Variants in MROH9 observed in about 807,000 individuals in gnomAD.
MROH9 encodes the protein maestro heat-like repeat-containing protein family member 9.
A neutral mutation model predicts 98.2 loss-of-function variants in MROH9; 92 were observed. The ratio of observed to expected loss-of-function variants is 0.94; its 90% CI spans 0.79 to 1.11. The LOEUF (loss-of-function observed/expected upper bound fraction) is 1.11, where lower values mean the gene tolerates loss of function less well. MROH9 is among the 50% of genes most tolerant of loss of function. The pLI is 0.00. For missense variants in MROH9, 1,057 were observed against 1,014.8 expected (o/e 1.04, Z -0.57); for synonymous variants, 397 against 368.9 (o/e 1.08, Z -0.87).
At chr1:170,972,517 T>C (rs1340160047) in intron 8 of MROH9, among the ~76,000 whole-genome samples, 1 of 152,086 alleles carries the variant, frequency 6.6e-6, no homozygotes, top group Non-Finnish European at 1.5e-5. Context: ...CTTAAAAATA[T>C]ACATAGTTTT....
intron 7 of MROH9, among the ~76,000 whole-genome samples, chr1:170,969,985 TG>T (rs1403578226): frequency 6.6e-6 from 1 of 152,072 alleles, no homozygotes; most frequent in Non-Finnish European, 1.5e-5. Flanking sequence ...CAGCCTACCT[TG>T]GGTCATGTCC....
chr1:170,982,394 C>A (rs948208639), intron 8 of MROH9, among the ~76,000 whole-genome samples: 1 of 152,108 alleles, frequency 6.6e-6, no homozygotes, highest in African/African-American at 2.4e-5. Context: ...TTAGAAAGTA[C>A]CAACTTGACA....
chr1:171,043,555 T>C (rs979628106), intron 20 of MROH9, among the ~76,000 whole-genome samples: 5 of 152,110 alleles, frequency 3.3e-5, no homozygotes, highest in Non-Finnish European at 5.9e-5. Context: ...GTATTTAATC[T>C]GTAGATTGCT....
At chr1:171,052,169 G>C (rs1422230253) in intron 20 of MROH9, among the ~76,000 whole-genome samples, 1 of 152,110 alleles carries the variant, frequency 6.6e-6, no homozygotes, top group Non-Finnish European at 1.5e-5. Context: ...TTCATAGTTT[G>C]TGTGCATAGA....
intron 20 of MROH9, among the ~76,000 whole-genome samples, chr1:171,060,271 C>G (rs1212577372): frequency 6.6e-6 from 1 of 152,006 alleles, no homozygotes; most frequent in Non-Finnish European, 1.5e-5. Flanking sequence ...GGGAAACATA[C>G]AGAAAATTTT....
rs548125421 is a variant in MROH9, at chr1:170,973,536, C to T, written c.616+1653C>T. Among the ~76,000 whole-genome samples the T allele has an allele frequency of 7.2e-5, 11 of 152,144 alleles. No homozygotes were observed. In the Middle Eastern group the frequency reaches 0.01, roughly 141 times the overall value. On this transcript the variant is annotated intron_variant, in intron 8 of 21. Coordinates refer to ENST00000367759, the MANE Select transcript of MROH9 (RefSeq NM_001163629.2). ...CCCCTAGAAATAAAAAAAAAAGTTC[C>T]TGCACTCAACAAGTTAAAATTAACA...
At chr1:171,007,123 C>T (rs2101825370) in intron 15 of MROH9, among the ~76,000 whole-genome samples, 1 of 152,322 alleles carries the variant, frequency 6.6e-6, no homozygotes, top group South Asian at 2.1e-4. Flanking sequence ...GGCAGGTAAA[C>T]ACCTTTTCCT....
At chr1:171,010,186 C>A (rs1652101484) in intron 15 of MROH9, among the ~76,000 whole-genome samples, 1 of 152,100 alleles carries the variant, frequency 6.6e-6, no homozygotes. Flanking sequence ...CTTATGAGAA[C>A]ATGTGGTGTT....
chr1:170,965,356 G>A, intron 7 of MROH9, 101 bp downstream of exon 7: 2 of 751,030 alleles, frequency 2.7e-6, no homozygotes, highest in East Asian at 2.6e-5. Flanking sequence ...ACAGGTCCTT[G>A]GTATTATTGT....
intron 7 of MROH9, among the ~76,000 whole-genome samples, chr1:170,969,644 G>A (rs1349547035): frequency 6.6e-6 from 1 of 152,082 alleles, no homozygotes; most frequent in Non-Finnish European, 1.5e-5. Flanking sequence ...GTTGCTTCTG[G>A]AACCTAGCAC....
chr1:170,971,466 G>C (rs1335868223), intron 7 of MROH9, among the ~76,000 whole-genome samples: 3 of 152,168 alleles, frequency 2.0e-5, no homozygotes, highest in Non-Finnish European at 2.9e-5. Flanking sequence ...CATTAGTTGA[G>C]TCACCATTAT....
Position 171,064,311 on chromosome 1 carries a change from AAAGAT to A in MROH9, c.2558_2562del (p.Lys853SerfsTer4). The A allele has an allele frequency of 6.5e-7, 1 of 1,543,202 alleles. No homozygotes were observed. On this transcript the variant is annotated frameshift_variant, in exon 22 of 22. Coordinates refer to ENST00000367759, the MANE Select transcript of MROH9 (RefSeq NM_001163629.2). LOFTEE classifies it low-confidence loss of function (END_TRUNC). ...CCAGATAGACAGTCCTACAGACAGT[AAAGAT>A]GTCAAGAATGATAAGGCCTTATAGA...
chr1:170,997,320 G>C (rs1286729591), intron 14 of MROH9, among the ~76,000 whole-genome samples: 3 of 152,092 alleles, frequency 2.0e-5, no homozygotes, highest in African/African-American at 7.2e-5. Flanking sequence ...TTAAAGTGTA[G>C]TACATCTGCA....
intron 21 of MROH9, among the ~76,000 whole-genome samples, chr1:171,063,353 A>G (rs950542133): frequency 4.1e-5 from 6 of 145,190 alleles, no homozygotes; most frequent in Non-Finnish European, 8.9e-5. Context: ...CCTGGGTTCC[A>G]GTGATTCTCC....
intron 20 of MROH9, among the ~76,000 whole-genome samples, chr1:171,050,591 T>C (rs1653631681): frequency 6.7e-6 from 1 of 148,966 alleles, no homozygotes; most frequent in South Asian, 2.1e-4. Context: ...GTTTTCTGCA[T>C]GTAACATCAT....
At chr1:171,035,211 G>T (rs1197688607) in intron 20 of MROH9, among the ~76,000 whole-genome samples, 3 of 151,472 alleles carry the variant, frequency 2.0e-5, no homozygotes, top group African/African-American at 7.3e-5. Flanking sequence ...TATTAATTTT[G>T]ATATATTAAT....
intron 12 of MROH9, among the ~76,000 whole-genome samples, 194 bp from the exon 13 acceptor site, chr1:170,995,195 G>A (rs1651514323): frequency 6.6e-6 from 1 of 152,098 alleles, no homozygotes; most frequent in African/African-American, 2.4e-5. Flanking sequence ...ACCGTAGTAG[G>A]CTTGACACAG....
chr1:171,024,342 T>C (rs1343498993), intron 17 of MROH9, 53 bp from the exon 18 acceptor site: 10 of 1,338,064 alleles, frequency 7.5e-6, no homozygotes, highest in East Asian at 2.5e-5. Flanking sequence ...AGATTACTGA[T>C]TGAAGAAAAA....
In MROH9 at chr1:170,983,438, G is replaced by A. The variant is rs760479378; in HGVS notation, c.633G>A (p.Lys211=). 5.0e-6 allele frequency: 8 copies of A among 1,610,648 alleles called. No individual in the cohort carries two copies. The South Asian group carries it at 8.8e-5, about 18-fold the overall frequency. The part of the protein sequence containing the change: ...ARCQNDIGTN[K]PTNGKSHSLQ... ...ACAAAGCAGATATTGGAACAAATAA[G>A]CCTACAAACGGTAAAAGTCATAGCC... The change falls in exon 9 of 22, where the codon AAG becomes AAA. Residue 211 remains lysine (K), a synonymous_variant. Coordinates refer to ENST00000367759, the MANE Select transcript of MROH9 (RefSeq NM_001163629.2).
Sources: allele counts gnomAD v4.1 joint callset (sites outside exome capture counted in the v4.1 genomes callset), GRCh38; gene constraint gnomAD v4.1.1; transcripts MANE v1.5; gene names NCBI Gene and HGNC (gene_info 2026-07-23, HGNC 2026-07-21).